Variants in KCNMB4 observed in about 807,000 individuals in gnomAD.
The protein encoded by KCNMB4 is calcium-activated potassium channel subunit beta-4.
Under a neutral mutation model 20.7 loss-of-function variants are expected in KCNMB4, and 3 were observed. The observed-to-expected ratio is 0.14, with a 90% CI of 0.07 to 0.37. The LOEUF (loss-of-function observed/expected upper bound fraction) is 0.37. Ranked by LOEUF, KCNMB4 falls within the 10% of genes least tolerant of loss-of-function variation. KCNMB4 has a pLI of 1.00. For synonymous variants in KCNMB4, 110 were observed against 113.4 expected, an observed-to-expected ratio of 0.97 and a Z score of 0.19; for missense variants, 168 against 265.9, an observed-to-expected ratio of 0.63 and a Z score of 2.56.
intron 1 of KCNMB4, among the ~76,000 whole-genome samples, chr12:70,396,418 G>T (rs973174414): frequency 5.3e-5 from 8 of 152,140 alleles, no homozygotes; most frequent in African/African-American, 1.9e-4. Flanking sequence ...TGATTCTCTT[G>T]TCTCAGCCTC....
intron 2 of KCNMB4, chr12:70,422,834 A>G (rs1282704523): frequency 4.8e-6 from 6 of 1,246,210 alleles, no homozygotes; most frequent in South Asian, 4.1e-5. Context: ...TGGATAAAAA[A>G]TAATTACCAC....
At position 70,379,464 on chromosome 12, in the gene KCNMB4, G is replaced by C. The variant is rs118107510; in HGVS notation, c.336+12394G>C. On this transcript the variant is annotated intron_variant, in intron 1 of 2. Transcript: ENST00000258111. ...GAGACAAGGTCTGGCTGTCACCCAG[G>C]CTGGAGTGCAGTGGTGTGATCTCTG... 1.6e-4 allele frequency among the ~76,000 whole-genome samples: 24 copies of C among 152,192 alleles called. No individual in the cohort carries two copies. The East Asian group carries it at 4.4e-3, about 28-fold the overall frequency.
chr12:70,425,696 T>C (rs1168581445), intron 2 of KCNMB4, among the ~76,000 whole-genome samples: 3 of 152,222 alleles, frequency 2.0e-5, no homozygotes, highest in South Asian at 2.1e-4. Flanking sequence ...TATAAAAAAA[T>C]CATTGTGCCA....
rs886597561 is a variant in KCNMB4 at position 70,431,625 on chromosome 12, A to C, written c.*972A>C. ...ACCAGGAGGATTGCTGCCATTGTGC[A>C]GTTTGCTTAGACAAACCTGGAGATG... On this transcript the variant is annotated 3_prime_UTR_variant, in exon 3 of 3. Transcript: ENST00000258111. 1 of 151,746 alleles carries C rather than the reference A, an allele frequency of 6.6e-6. No homozygotes were observed. Among genetic ancestry groups the C allele is most frequent in the Non-Finnish European group, 1.5e-5 (1 of 67,988 alleles). 9.4% of individuals were successfully genotyped at this position (151,746 alleles called of 1,614,324 possible). A position where few individuals can be genotyped will look rare whatever the true frequency, so the allele number is the denominator to read the frequency against.
chr12:70,373,068 G>C (rs1397599629), intron 1 of KCNMB4, among the ~76,000 whole-genome samples: 1 of 152,142 alleles, frequency 6.6e-6, no homozygotes, highest in South Asian at 2.1e-4. Context: ...TGAGGTCTTG[G>C]GGGTAAGGCT....
intron 2 of KCNMB4, among the ~76,000 whole-genome samples, chr12:70,429,070 G>GGA (rs1465531377): frequency 6.6e-6 from 1 of 152,144 alleles, no homozygotes; most frequent in African/African-American, 2.4e-5. Context: ...TTATGTTAAT[G>GGA]GCACATGATA....
intron 2 of KCNMB4, among the ~76,000 whole-genome samples, chr12:70,406,961 G>A (rs1868621559): frequency 6.6e-6 from 1 of 152,116 alleles, no homozygotes; most frequent in Non-Finnish European, 1.5e-5. Flanking sequence ...TCCACACCAA[G>A]CAGTTCAGTT....
intron 2 of KCNMB4, among the ~76,000 whole-genome samples, chr12:70,423,424 G>A (rs949320366): frequency 6.6e-6 from 1 of 151,950 alleles, no homozygotes; most frequent in Non-Finnish European, 1.5e-5. Flanking sequence ...AAGCATCTGT[G>A]GAGCAAACCA....
At chr12:70,421,743 A>C (rs1593347529) in intron 2 of KCNMB4, among the ~76,000 whole-genome samples, 1 of 151,776 alleles carries the variant, frequency 6.6e-6, no homozygotes, top group African/African-American at 2.4e-5. Flanking sequence ...CACCACACCC[A>C]TCTAATTTTT....
chr12:70,400,062 T>C, intron 1 of KCNMB4, 147 bp from the exon 2 acceptor site: 1 of 567,222 alleles, frequency 1.8e-6, no homozygotes, highest in Non-Finnish European at 2.9e-6. Flanking sequence ...GGAATATAGT[T>C]TAGTAATTTC....
intron 2 of KCNMB4, among the ~76,000 whole-genome samples, chr12:70,425,656 A>G (rs1869192486): frequency 6.6e-6 from 1 of 152,198 alleles, no homozygotes; most frequent in East Asian, 1.9e-4. Context: ...TCTGGGAAAG[A>G]TCACATGTCA....
intron 1 of KCNMB4, among the ~76,000 whole-genome samples, chr12:70,383,033 T>C (rs932103903): frequency 5.3e-5 from 8 of 152,198 alleles, no homozygotes; most frequent in African/African-American, 1.9e-4. Context: ...ATGGTAAGTT[T>C]TTGTGTATTT....
intron 2 of KCNMB4, among the ~76,000 whole-genome samples, chr12:70,410,411 G>A (rs1448697334): frequency 6.6e-6 from 1 of 152,176 alleles, no homozygotes; most frequent in African/African-American, 2.4e-5. Flanking sequence ...ACACTGTTAA[G>A]AGAGTTGAAT....
chr12:70,402,044 A>G (rs2136130448), intron 2 of KCNMB4, among the ~76,000 whole-genome samples: 1 of 152,232 alleles, frequency 6.6e-6, no homozygotes, highest in Middle Eastern at 3.4e-3. Flanking sequence ...GCTTCTCAAG[A>G]TCTTGTCCCA....
intron 1 of KCNMB4, among the ~76,000 whole-genome samples, chr12:70,384,821 C>T (rs542952774): frequency 2.2e-5 from 3 of 133,986 alleles, no homozygotes; most frequent in African/African-American, 8.8e-5. Context: ...TTACAGTGAG[C>T]TATGACTATG....
intron 2 of KCNMB4, among the ~76,000 whole-genome samples, chr12:70,426,499 A>G (rs1869219276): frequency 6.6e-6 from 1 of 152,200 alleles, no homozygotes; most frequent in South Asian, 2.1e-4. Flanking sequence ...ACAAACTCAG[A>G]TGCTGATTAT....
intron 2 of KCNMB4, among the ~76,000 whole-genome samples, chr12:70,417,518 A>T (rs1868942270): frequency 6.6e-6 from 1 of 152,242 alleles, no homozygotes; most frequent in Admixed American, 6.5e-5. Context: ...GAAGAAGAAC[A>T]GTAATGACAG....
Position 70,428,263 on chromosome 12 carries a change from G to A in KCNMB4, c.465-2222G>A, listed in dbSNP as rs577255155. ...CCCGCCTCTGTCTCCCAAAGTGCTGGGATTACAGGCATGAGCCACTACGCC... is the reference window on the plus strand; with the variant it reads ...CCCGCCTCTGTCTCCCAAAGTGCTGAGATTACAGGCATGAGCCACTACGCC... On this transcript the variant is annotated intron_variant, in intron 2 of 2. Coordinates refer to ENST00000258111, the MANE Select transcript of KCNMB4 (RefSeq NM_014505.6). 6.6e-5 allele frequency among the ~76,000 whole-genome samples: 10 copies of A among 152,184 alleles called. No homozygotes were observed. In the East Asian group the frequency reaches 1.4e-3, roughly 21 times the overall value.
At chr12:70,391,008 G>A (rs1868294562) in intron 1 of KCNMB4, among the ~76,000 whole-genome samples, 1 of 152,150 alleles carries the variant, frequency 6.6e-6, no homozygotes, top group Non-Finnish European at 1.5e-5. Flanking sequence ...TCAGTAGGTA[G>A]GACTTGAGGT....
Sources: gnomAD v4.1 joint callset for allele counts (sites outside exome capture counted in the v4.1 genomes callset) on GRCh38, gnomAD v4.1.1 for gene constraint, MANE v1.5 for transcripts, NCBI Gene and HGNC (gene_info 2026-07-23, HGNC 2026-07-21) for gene names.